HPSE2: variants seen among roughly 807,000 people sequenced by gnomAD.
HPSE2 encodes the protein heparanase 2 (inactive), also known as inactive heparanase-2.
A neutral mutation model predicts 60.5 loss-of-function variants in HPSE2; 38 were observed. That is an observed-to-expected ratio of 0.63 (90% CI 0.48 to 0.82). HPSE2 has a LOEUF of 0.82. HPSE2 is among the 40% of genes least tolerant of loss of function. The probability of loss-of-function intolerance (pLI) is 0.00; values close to 1 mark genes in which losing one functional copy is unlikely to be tolerated. For missense variants in HPSE2, 713 were observed against 740.4 expected (o/e 0.96, Z 0.43); for synonymous variants, 295 against 293.2 (o/e 1.01, Z -0.06).
At chr10:98,870,066 G>A (rs954079514) in intron 3 of HPSE2, among the ~76,000 whole-genome samples, 1 of 152,112 alleles carries the variant, frequency 6.6e-6, no homozygotes, top group African/African-American at 2.4e-5. Context: ...CATTTTATTA[G>A]GGGAGGCAGG....
At chr10:99,064,966 T>C (rs527907808) in intron 3 of HPSE2, among the ~76,000 whole-genome samples, 2 of 152,186 alleles carry the variant, frequency 1.3e-5, no homozygotes, top group Non-Finnish European at 2.9e-5. Context: ...ACTATTATTC[T>C]CATGTTTAAA....
the HPSE2 span, among the ~76,000 whole-genome samples, chr10:99,284,310 A>C: frequency 0.86 from 130,104 of 152,032 alleles, 56,037 homozygotes; most frequent in African/African-American, 0.92. Flanking sequence ...ATAGAGTAAA[A>C]GCATTTGACA....
chr10:99,078,537 A>T (rs1006047598), intron 3 of HPSE2, among the ~76,000 whole-genome samples: 1 of 151,512 alleles, frequency 6.6e-6, no homozygotes, highest in Non-Finnish European at 1.5e-5. Flanking sequence ...ATACAGATGC[A>T]TTTTTTTTTA....
the HPSE2 span, among the ~76,000 whole-genome samples, chr10:99,248,681 GA>G: frequency 6.6e-6 from 1 of 152,204 alleles, no homozygotes; most frequent in Admixed American, 6.5e-5. Flanking sequence ...AGACAATGGG[GA>G]AAATGCCTCA....
At chr10:98,895,420 A>G (rs371270802) in intron 3 of HPSE2, among the ~76,000 whole-genome samples, 12 of 152,314 alleles carry the variant, frequency 7.9e-5, no homozygotes, top group African/African-American at 2.6e-4. Flanking sequence ...CTGAAAATTG[A>G]ATGCAGAATC....
At chr10:98,660,756 T>A (rs1007854952) in intron 6 of HPSE2, among the ~76,000 whole-genome samples, 3 of 152,158 alleles carry the variant, frequency 2.0e-5, no homozygotes, top group Admixed American at 2.0e-4. Flanking sequence ...CCAGGGACCT[T>A]GCAACAATGC....
At chr10:98,970,172 G>T (rs566006871) in intron 3 of HPSE2, among the ~76,000 whole-genome samples, 1 of 152,266 alleles carries the variant, frequency 6.6e-6, no homozygotes, top group Non-Finnish European at 1.5e-5. Context: ...ACGTTGGCCA[G>T]GTTGGTCTTG....
chr10:99,248,157 T>C, the HPSE2 span, among the ~76,000 whole-genome samples: 1 of 152,186 alleles, frequency 6.6e-6, no homozygotes, highest in Admixed American at 6.6e-5. Flanking sequence ...GGGCAGAGGT[T>C]GGAACAGTTT....
At chr10:98,973,459 A>G (rs2135274349) in intron 3 of HPSE2, among the ~76,000 whole-genome samples, 1 of 152,328 alleles carries the variant, frequency 6.6e-6, no homozygotes, top group Admixed American at 6.5e-5. Flanking sequence ...GGCTATCCCT[A>G]CATTGTATTA....
intron 3 of HPSE2, among the ~76,000 whole-genome samples, chr10:99,142,528 C>T (rs532453142): frequency 4.9e-4 from 74 of 152,288 alleles, no homozygotes; most frequent in African/African-American, 1.7e-3. Context: ...TCTGCACAGG[C>T]ATTTGGGTGA....
intron 9 of HPSE2, among the ~76,000 whole-genome samples, chr10:98,591,174 T>C (rs953754377): frequency 1.3e-5 from 2 of 152,164 alleles, no homozygotes; most frequent in Non-Finnish European, 2.9e-5. Context: ...GCAAATTATT[T>C]ATCATTTCTG....
intron 9 of HPSE2, among the ~76,000 whole-genome samples, chr10:98,544,392 T>A (rs909220707): frequency 1.3e-5 from 2 of 152,046 alleles, no homozygotes; most frequent in Non-Finnish European, 2.9e-5. Flanking sequence ...AGATCCAAAA[T>A]CGACACCCTA....
intron 9 of HPSE2, among the ~76,000 whole-genome samples, chr10:98,599,127 G>C (rs1417233690): frequency 6.6e-6 from 1 of 152,112 alleles, no homozygotes; most frequent in Non-Finnish European, 1.5e-5. Context: ...CACAGAGATT[G>C]ACCTGAAGGA....
intron 3 of HPSE2, among the ~76,000 whole-genome samples, chr10:99,010,505 T>C (rs1020465178): frequency 3.3e-5 from 5 of 152,276 alleles, no homozygotes; most frequent in South Asian, 4.1e-4. Context: ...AGGCAGTATA[T>C]AGATAAAGAT....
chr10:98,991,933 G>A (rs531649824), intron 3 of HPSE2, among the ~76,000 whole-genome samples: 2 of 152,100 alleles, frequency 1.3e-5, no homozygotes, highest in African/African-American at 2.4e-5. Context: ...AACCCTCCCT[G>A]ACCATTCTAG....
intron 2 of HPSE2, among the ~76,000 whole-genome samples, chr10:99,205,117 C>G (rs1347763402): frequency 1.3e-5 from 2 of 152,136 alleles, no homozygotes; most frequent in Non-Finnish European, 2.9e-5. Flanking sequence ...GAAGCAAGGG[C>G]TGAAAAATTA....
In HPSE2 at chr10:98,720,285, C is replaced by A. The variant is rs565011247; in HGVS notation, c.956+1372G>T. 2.8e-4 allele frequency among the ~76,000 whole-genome samples: 42 copies of A among 151,860 alleles called. No individual in the cohort carries two copies. The East Asian group carries it at 3.9e-3, about 14-fold the overall frequency. ...GCAAAATGGTTATTGCATTACTAAC[C>A]AAATTTGGGGGATAAGAGGAAACAT... On this transcript the variant is annotated intron_variant, in intron 5 of 11. Coordinates refer to ENST00000370552, the MANE Select transcript of HPSE2 (RefSeq NM_021828.5).
intron 3 of HPSE2, among the ~76,000 whole-genome samples, chr10:99,004,008 G>A (rs948095906): frequency 6.6e-6 from 1 of 151,924 alleles, no homozygotes; most frequent in African/African-American, 2.4e-5. Context: ...TAGTGCATGT[G>A]GAAATTCAGT....
chr10:99,079,277 C>G (rs774973733), intron 3 of HPSE2, among the ~76,000 whole-genome samples: 2 of 151,914 alleles, frequency 1.3e-5, no homozygotes, highest in Non-Finnish European at 2.9e-5. Flanking sequence ...CAGAGGGAAG[C>G]TGGGAACTAG....
Sources: allele counts gnomAD v4.1 joint callset (sites outside exome capture counted in the v4.1 genomes callset), GRCh38; gene constraint gnomAD v4.1.1; transcripts MANE v1.5; gene names NCBI Gene and HGNC (gene_info 2026-07-23, HGNC 2026-07-21).